Variants in GRIK1 observed in about 807,000 individuals in gnomAD.
GRIK1 encodes glutamate receptor ionotropic, kainate 1.
In GRIK1, 69 loss-of-function variants were observed where a neutral mutation model predicts 105.7. The observed-to-expected ratio is 0.65, with a 90% confidence interval of 0.54 to 0.80. The LOEUF is 0.80. Ranked by LOEUF, GRIK1 falls within the 30% of genes least tolerant of loss-of-function variation. GRIK1 has a pLI of 0.00. For synonymous variants in GRIK1, 438 were observed against 431.3 expected, an observed-to-expected ratio of 1.02 and a Z score of -0.19; for missense variants, 1,109 against 1,167.3, an observed-to-expected ratio of 0.95 and a Z score of 0.73.
In GRIK1 at chr21:29,818,012, A is replaced by G. The variant is rs1228866200; in HGVS notation, c.118+121371T>C. On this transcript the variant is annotated intron_variant, in intron 1 of 17. Coordinates refer to ENST00000327783, the MANE Select transcript of GRIK1 (RefSeq NM_001330994.2). Reference sequence around the variant, plus strand: ...TAAAAATTGTTGAATAATTTGCTACATAACTTATTAGGGATCAGTTAGGTA... The same window carrying G: ...TAAAAATTGTTGAATAATTTGCTACGTAACTTATTAGGGATCAGTTAGGTA... Among the ~76,000 whole-genome samples, 4 of 152,152 alleles carry G rather than the reference A, an allele frequency of 2.6e-5. No homozygotes were observed. The South Asian group carries it at 6.2e-4, about 24-fold the overall frequency.
At chr21:29,742,884 G>T (rs1205442696) in intron 1 of GRIK1, among the ~76,000 whole-genome samples, 1 of 152,010 alleles carries the variant, frequency 6.6e-6, no homozygotes, top group Non-Finnish European at 1.5e-5. Context: ...CACCTTAATT[G>T]CTTCTAAATT....
intron 1 of GRIK1, among the ~76,000 whole-genome samples, chr21:29,782,626 C>G (rs756557429): frequency 6.6e-6 from 1 of 152,102 alleles, no homozygotes; most frequent in Non-Finnish European, 1.5e-5. Context: ...ACCCATTGAA[C>G]CTGTTTGTCT....
intron 1 of GRIK1, among the ~76,000 whole-genome samples, chr21:29,868,021 AAAGAAAGG>A (rs200097797): frequency 0.2 from 29,818 of 148,674 alleles, 3,562 homozygotes; most frequent in East Asian, 0.4. Context: ...GAAAAGACAG[AAAGAAAGG>A]AAGGAAGGAA....
intron 1 of GRIK1, among the ~76,000 whole-genome samples, chr21:29,720,874 C>T (rs982177663): frequency 6.6e-6 from 1 of 152,140 alleles, no homozygotes; most frequent in Admixed American, 6.5e-5. Context: ...CACAAAGAGC[C>T]TCCTTTGATA....
intron 7 of GRIK1, among the ~76,000 whole-genome samples, chr21:29,609,633 A>G (rs900894795): frequency 6.6e-6 from 1 of 152,108 alleles, no homozygotes. Flanking sequence ...AGGAAAGAGG[A>G]AGTTGCTTCT....
Position 29,537,857 on chromosome 21 carries a change from A to G in GRIK1, c.2635T>C (p.Tyr879His). Residue 879 changes from tyrosine (Y) to histidine (H), a missense_variant, in exon 17 of 18, where the codon TAT (tyrosine) becomes CAT (histidine). This residue lies in a region of GRIK1 where 161 missense variants were observed against 143.4 expected (regional missense o/e 1.12). Transcript: ENST00000327783. Reference protein sequence around the residue: ...QKGKSSRIRFYFRNKVRFHGR... With the variant: ...QKGKSSRIRFHFRNKVRFHGR... ...TGAAACCTTACTTTGTTCCTAAAAT[A>G]AAATCTAATTCTTGATGACTTTCCT... 1 of 1,467,250 alleles carries G rather than the reference A, an allele frequency of 6.8e-7. No homozygotes were observed. The allele number at this position is 1,467,250 out of a possible 1,614,324, so 90.9% of individuals were successfully genotyped here.
At chr21:29,552,162 G>C (rs2090145708) in intron 16 of GRIK1, among the ~76,000 whole-genome samples, 1 of 152,080 alleles carries the variant, frequency 6.6e-6, no homozygotes, top group East Asian at 1.9e-4. Context: ...TAAGCAAAGA[G>C]AAGGTAAAAT....
chr21:29,722,773 G>A (rs1009165156), intron 1 of GRIK1, among the ~76,000 whole-genome samples: 1 of 152,042 alleles, frequency 6.6e-6, no homozygotes, highest in Non-Finnish European at 1.5e-5. Context: ...AATCTATTCT[G>A]CTATTTGCCA....
intron 3 of GRIK1, among the ~76,000 whole-genome samples, chr21:29,684,066 T>G (rs2063433951): frequency 6.6e-6 from 1 of 152,216 alleles, no homozygotes; most frequent in African/African-American, 2.4e-5. Flanking sequence ...CCGAATACTG[T>G]TTGATGCTTT....
At chr21:29,630,562 G>C in intron 7 of GRIK1, 1 of 471,724 alleles carries the variant, frequency 2.1e-6, no homozygotes, top group South Asian at 1.5e-5. Flanking sequence ...AATAATGTCT[G>C]CAAAAAGTGA....
chr21:29,818,320 A>C (rs543735447), intron 1 of GRIK1, among the ~76,000 whole-genome samples: 1 of 152,196 alleles, frequency 6.6e-6, no homozygotes, highest in Admixed American at 6.5e-5. Flanking sequence ...CAAAAATCAC[A>C]CTGAATCAAT....
At chr21:29,881,933 G>C (rs1361533559) in intron 1 of GRIK1, among the ~76,000 whole-genome samples, 2 of 151,988 alleles carry the variant, frequency 1.3e-5, no homozygotes, top group African/African-American at 4.8e-5. Context: ...CCATTTGTTT[G>C]CTTTTTCTAT....
chr21:29,550,272 A>T (rs1277210354), intron 16 of GRIK1, among the ~76,000 whole-genome samples: 1 of 152,178 alleles, frequency 6.6e-6, no homozygotes, highest in Non-Finnish European at 1.5e-5. Flanking sequence ...TGAATATCAT[A>T]AAATTTCCAC....
intron 1 of GRIK1, among the ~76,000 whole-genome samples, chr21:29,737,792 T>A (rs894081846): frequency 6.6e-6 from 1 of 152,262 alleles, no homozygotes; most frequent in African/African-American, 2.4e-5. Context: ...ATAAAATTAC[T>A]TTAGCATTGA....
chr21:29,846,542 C>T (rs1380156419), intron 1 of GRIK1, among the ~76,000 whole-genome samples: 4 of 151,700 alleles, frequency 2.6e-5, no homozygotes, highest in Admixed American at 2.0e-4. Flanking sequence ...GCATTTGTCC[C>T]GTCATTCTGT....
At chr21:29,662,841 A>G (rs186649427) in intron 4 of GRIK1, among the ~76,000 whole-genome samples, 4 of 152,194 alleles carry the variant, frequency 2.6e-5, no homozygotes, top group East Asian at 3.9e-4. Flanking sequence ...CAAAATACCA[A>G]TGCCTGAGCC....
chr21:29,689,260 T>G (rs1328601702), intron 3 of GRIK1, among the ~76,000 whole-genome samples: 1 of 152,166 alleles, frequency 6.6e-6, no homozygotes, highest in East Asian at 1.9e-4. Context: ...GGATTCATAG[T>G]CCCTTTCCCA....
At chr21:29,711,542 T>A (rs1247442181) in intron 1 of GRIK1, among the ~76,000 whole-genome samples, 1 of 152,090 alleles carries the variant, frequency 6.6e-6, no homozygotes, top group Non-Finnish European at 1.5e-5. Flanking sequence ...AATCTGTTTG[T>A]CTTTTTGAGA....
intron 7 of GRIK1, among the ~76,000 whole-genome samples, chr21:29,639,353 A>G (rs2062462407): frequency 6.6e-6 from 1 of 152,232 alleles, no homozygotes; most frequent in Admixed American, 6.5e-5. Flanking sequence ...ATAGACGTGG[A>G]AACAAACACA....
Sources: gnomAD v4.1 joint callset for allele counts (sites outside exome capture counted in the v4.1 genomes callset) on GRCh38, gnomAD v4.1.1 for gene constraint, gnomAD v4.1.1 regional missense constraint, MANE v1.5 for transcripts, NCBI Gene and HGNC (gene_info 2026-07-23, HGNC 2026-07-21) for gene names.